The following EXT1 variants were observed in gnomAD, a reference collection of about 807,000 sequenced individuals.
EXT1 encodes exostosin-1.
Under a neutral mutation model 82.5 loss-of-function variants are expected in EXT1, and 20 were observed. The ratio of observed to expected loss-of-function variants is 0.24; its 90% CI spans 0.17 to 0.35. The LOEUF is 0.35. EXT1 is among the 10% of genes least tolerant of loss of function. The pLI is 1.00. For missense variants in EXT1, 757 were observed against 936.5 expected, an observed-to-expected ratio of 0.81 and a Z score of 2.50; for synonymous variants, 348 against 350.8, an observed-to-expected ratio of 0.99 and a Z score of 0.09.
In EXT1 at chr8:117,848,299, G is replaced by C. The variant is rs562767074; in HGVS notation, c.963-11098C>G. Among the ~76,000 whole-genome samples, 5 of 152,280 alleles carry C rather than the reference G, an allele frequency of 3.3e-5. No individual in the cohort carries two copies. In the East Asian group the frequency reaches 9.7e-4, roughly 29 times the overall value. On this transcript the variant is annotated intron_variant, in intron 1 of 10. Transcript: ENST00000378204. ...TCTTTGCATGAAGGTTGAGTCCTTA[G>C]GGATTAGAGAGGCCCACAAGTCTAG...
At chr8:117,904,997 T>C (rs902831620) in intron 1 of EXT1, among the ~76,000 whole-genome samples, 11 of 152,206 alleles carry the variant, frequency 7.2e-5, no homozygotes, top group African/African-American at 1.9e-4. Flanking sequence ...TGAACTTTTT[T>C]TGGATATATA....
chr8:117,804,651 C>G, intron 10 of EXT1, 71 bp downstream of exon 10: 1 of 1,547,102 alleles, frequency 6.5e-7, no homozygotes, highest in Non-Finnish European at 8.9e-7. Flanking sequence ...GCTAGAGGAA[C>G]GTGAGTCCTC....
chr8:118,088,433 G>A (rs927735596), intron 1 of EXT1, among the ~76,000 whole-genome samples: 4 of 151,278 alleles, frequency 2.6e-5, no homozygotes, highest in Middle Eastern at 3.4e-3. Context: ...GACTTAATCT[G>A]CAGCCACCAC....
chr8:117,926,135 C>A (rs1813949058), intron 1 of EXT1, among the ~76,000 whole-genome samples: 1 of 152,164 alleles, frequency 6.6e-6, no homozygotes, highest in African/African-American at 2.4e-5. Context: ...GAACTGTGAT[C>A]TTCATAAAGA....
chr8:118,003,343 C>A (rs1395948926), intron 1 of EXT1, among the ~76,000 whole-genome samples: 2 of 151,514 alleles, frequency 1.3e-5, no homozygotes, highest in African/African-American at 4.9e-5. Context: ...TCAGAAATCA[C>A]CACCAAAGAA....
At chr8:117,980,392 C>T (rs1187625570) in intron 1 of EXT1, among the ~76,000 whole-genome samples, 2 of 152,152 alleles carry the variant, frequency 1.3e-5, no homozygotes, top group Non-Finnish European at 2.9e-5. Flanking sequence ...TGTCACCTCC[C>T]AATTCAAATC....
At chr8:117,812,616 G>A (rs2129719022) in intron 8 of EXT1, among the ~76,000 whole-genome samples, 1 of 152,306 alleles carries the variant, frequency 6.6e-6, no homozygotes, top group Middle Eastern at 3.4e-3. Context: ...GGCAGGCCTG[G>A]GAGGAGGGGT....
chr8:117,845,929 G>A (rs1226558092), intron 1 of EXT1, among the ~76,000 whole-genome samples: 1 of 152,108 alleles, frequency 6.6e-6, no homozygotes, highest in African/African-American at 2.4e-5. Context: ...GGTTTTGTTC[G>A]GTTTGTGCAA....
At chr8:117,851,051 A>G (rs1812443893) in intron 1 of EXT1, among the ~76,000 whole-genome samples, 1 of 152,228 alleles carries the variant, frequency 6.6e-6, no homozygotes, top group Admixed American at 6.5e-5. Context: ...GAAAGTGGAG[A>G]TGTTTCAACT....
intron 1 of EXT1, among the ~76,000 whole-genome samples, chr8:118,014,025 C>T (rs1244241484): frequency 6.6e-6 from 1 of 152,134 alleles, no homozygotes; most frequent in East Asian, 1.9e-4. Context: ...TCTTGCTTTA[C>T]ATATCTGTAA....
Position 118,111,668 on chromosome 8 carries a change from G to GCCC in EXT1, c.-625_-623dup, listed in dbSNP as rs1165389754. 5.7e-6 allele frequency: 2 copies of GCCC among 348,444 alleles called. No homozygotes were observed. The highest frequency in any genetic ancestry group is 4.3e-5 in the African/African-American group (2 of 47,008). The allele number at this position is 348,444 out of a possible 1,614,324, so 21.6% of individuals were successfully genotyped here. On this transcript the variant is annotated 5_prime_UTR_variant, in exon 1 of 11. Coordinates refer to ENST00000378204, the MANE Select transcript of EXT1 (RefSeq NM_000127.3). ...GTTTACTCCTGCGCTCGCGGGGCCG[G>GCCC]CCCCCGGGACGCGCGGCGGCCCGGC...
At chr8:118,027,500 C>G (rs1285823929) in intron 1 of EXT1, among the ~76,000 whole-genome samples, 1 of 152,192 alleles carries the variant, frequency 6.6e-6, no homozygotes, top group Non-Finnish European at 1.5e-5. Flanking sequence ...AGTCTTTGGA[C>G]TATCTTCACA....
chr8:118,025,963 A>G (rs1454540975), intron 1 of EXT1, among the ~76,000 whole-genome samples: 3 of 152,186 alleles, frequency 2.0e-5, no homozygotes, highest in African/African-American at 7.2e-5. Context: ...AGGGTTTGCA[A>G]GAGGTAAAAA....
chr8:118,032,724 G>C (rs995512619), intron 1 of EXT1, among the ~76,000 whole-genome samples: 1 of 151,916 alleles, frequency 6.6e-6, no homozygotes, highest in Non-Finnish European at 1.5e-5. Flanking sequence ...TGGTCAGGCT[G>C]GTCTCGAACT....
At chr8:118,087,733 C>G (rs1817448956) in intron 1 of EXT1, among the ~76,000 whole-genome samples, 1 of 151,998 alleles carries the variant, frequency 6.6e-6, no homozygotes. Flanking sequence ...AATTGGGAAG[C>G]ATTTGTTCTT....
chr8:117,880,005 A>G (rs1054815904), intron 1 of EXT1, among the ~76,000 whole-genome samples: 1 of 152,242 alleles, frequency 6.6e-6, no homozygotes, highest in Non-Finnish European at 1.5e-5. Flanking sequence ...AAGCCTGAAA[A>G]TAATGAGTTA....
rs1811756323 is a variant in EXT1, at chr8:117,814,270, G to A, written c.1633-1309C>T. 2.8e-5 allele frequency among the ~76,000 whole-genome samples: 3 copies of A among 105,458 alleles called. No homozygotes were observed. The South Asian group carries it at 8.8e-4, about 31-fold the overall frequency. 69.2% of individuals were successfully genotyped at this position (105,458 alleles called of 152,430 possible). A position where few individuals can be genotyped will look rare whatever the true frequency, so the allele number is the denominator to read the frequency against. ...GTGTGTGTGTGTGTGTGTGGTGGGG[G>A]CTTTGGAGATTATGGCATCAGCTGG... On this transcript the variant is annotated intron_variant, in intron 7 of 10. Coordinates refer to ENST00000378204, the MANE Select transcript of EXT1 (RefSeq NM_000127.3).
chr8:118,080,099 C>G (rs560113727), intron 1 of EXT1, among the ~76,000 whole-genome samples: 1 of 152,214 alleles, frequency 6.6e-6, no homozygotes, highest in African/African-American at 2.4e-5. Context: ...GGGATTTGAA[C>G]TGGAAATATG....
At chr8:117,824,855 TTTTTTG>T (rs545929218) in intron 4 of EXT1, among the ~76,000 whole-genome samples, 57 of 152,054 alleles carry the variant, frequency 3.7e-4, no homozygotes, top group Admixed American at 7.9e-4. Flanking sequence ...TTCTTTTTCT[TTTTTTG>T]TTTTTGTTTT....
Sources: gnomAD v4.1 joint callset for allele counts (sites outside exome capture counted in the v4.1 genomes callset) on GRCh38, gnomAD v4.1.1 for gene constraint, MANE v1.5 for transcripts, NCBI Gene and HGNC (gene_info 2026-07-23, HGNC 2026-07-21) for gene names.